CSNK1D: variants seen among roughly 807,000 people sequenced by gnomAD.
CSNK1D encodes the protein casein kinase I isoform delta.
In CSNK1D, 16 loss-of-function variants were observed where a neutral mutation model predicts 46.6. That is an observed-to-expected ratio of 0.34 (90% CI 0.23 to 0.52). The LOEUF is 0.52. Ranked by LOEUF, CSNK1D falls within the 20% of genes least tolerant of loss-of-function variation. The pLI, the probability that CSNK1D is intolerant of heterozygous loss-of-function variation, is 0.95. For missense variants in CSNK1D, 398 were observed against 578.4 expected (o/e 0.69, Z 3.20); for synonymous variants, 276 against 228.2 (o/e 1.21, Z -1.89).
intron 1 of CSNK1D, among the ~76,000 whole-genome samples, chr17:82,270,089 G>A (rs757219277): frequency 2.6e-5 from 4 of 152,244 alleles, no homozygotes; most frequent in African/African-American, 4.8e-5. Flanking sequence ...CTGCCCTCCT[G>A]AAGGGCCTTG....
At chr17:82,262,058 GC>G (rs2051354353) in intron 2 of CSNK1D, among the ~76,000 whole-genome samples, 1 of 152,222 alleles carries the variant, frequency 6.6e-6, no homozygotes, top group Non-Finnish European at 1.5e-5. Flanking sequence ...CCCAGGTTTT[GC>G]CCACCAGTCC....
At chr17:82,239,777 C>T (rs1407248382), downstream of CSNK1D, 2 of 395,780 alleles carry the variant, frequency 5.1e-6, no homozygotes, top group East Asian at 7.2e-5. Flanking sequence ...ACAGGACCCT[C>T]CTGCCTTCCC....
chr17:82,246,752 T>G, intron 8 of CSNK1D: 1 of 991,032 alleles, frequency 1.0e-6, no homozygotes, highest in Non-Finnish European at 1.2e-6. Context: ...TCCTGCTGCC[T>G]CCTCCCATCT....
intron 3 of CSNK1D, chr17:82,253,687 T>A (rs1475811176): frequency 2.9e-6 from 1 of 346,260 alleles, no homozygotes; most frequent in South Asian, 2.3e-5. Context: ...TCCAAGCCAG[T>A]GAGCTGAGCC....
Position 82,249,584 on chromosome 17 carries a change from C to T in CSNK1D, c.904G>A (p.Asp302Asn), listed in dbSNP as rs771783029. Residue 302 changes from aspartate to asparagine, a missense_variant, in exon 7 of 9, where the codon GAT (aspartate) becomes AAT (asparagine). Transcript: ENST00000314028. The surrounding 1 kb of genome is among the most constrained non-coding windows in gnomAD (Gnocchi z 6.7). ...MLKFGASRAA[D>N]DAERERRDRE... is the part of the protein sequence containing the mutation. ...TCCCTGCGCTCCCGCTCGGCGTCATCGGCGGCCCGGCTGGCACCCTGAGGA... is the reference window on the plus strand; with the variant it reads ...TCCCTGCGCTCCCGCTCGGCGTCATTGGCGGCCCGGCTGGCACCCTGAGGA... 1.3e-5 allele frequency: 20 copies of T among 1,558,716 alleles called. No individual in the cohort carries two copies. The highest frequency in any genetic ancestry group is 1.6e-5 in the Non-Finnish European group (19 of 1,156,308).
intron 2 of CSNK1D, among the ~76,000 whole-genome samples, chr17:82,258,683 C>T (rs987555524): frequency 8.5e-5 from 13 of 152,260 alleles, no homozygotes; most frequent in South Asian, 4.1e-4. Flanking sequence ...AACTTTTTCC[C>T]GTACCTCATA....
At chr17:82,257,743 C>G (rs990237563) in intron 2 of CSNK1D, among the ~76,000 whole-genome samples, 3 of 152,236 alleles carry the variant, frequency 2.0e-5, no homozygotes, top group African/African-American at 7.2e-5. Flanking sequence ...CAGAAGAGAG[C>G]TGAGGAGGAG....
At chr17:82,264,829 G>A (rs1033601938) in intron 2 of CSNK1D, among the ~76,000 whole-genome samples, 13 of 143,384 alleles carry the variant, frequency 9.1e-5, no homozygotes, top group Non-Finnish European at 1.5e-4. Context: ...ACGGAGTCTC[G>A]CTCTTTCATC....
At chr17:82,253,313 G>A in intron 3 of CSNK1D, 69 bp from the exon 4 acceptor site, 2 of 1,171,630 alleles carry the variant, frequency 1.7e-6, no homozygotes, top group Non-Finnish European at 2.6e-6. Flanking sequence ...TCAACTGTGG[G>A]ACACTACATC....
At chr17:82,247,885 G>A in intron 8 of CSNK1D, 4 of 985,492 alleles carry the variant, frequency 4.1e-6, no homozygotes, top group Non-Finnish European at 4.8e-6. Flanking sequence ...TAGTGAATTA[G>A]AAACGTGCAG....
Position 82,248,487 on chromosome 17 carries a change from G to A in CSNK1D, c.1197+388C>T, listed in dbSNP as rs1446310216. 1 of 1,091,118 alleles carries A rather than the reference G, an allele frequency of 9.2e-7. No homozygotes were observed. The highest frequency in any genetic ancestry group is 1.1e-6 in the Non-Finnish European group (1 of 891,574). 67.6% of individuals were successfully genotyped at this position (1,091,118 alleles called of 1,614,324 possible). ...TCCATCCCTGGCCAGTGGCAAGAATGAGGAAGAATGAGGAAGGCTCCCTCG... is the reference window on the plus strand; with the variant it reads ...TCCATCCCTGGCCAGTGGCAAGAATAAGGAAGAATGAGGAAGGCTCCCTCG... On this transcript the variant is annotated intron_variant, in intron 8 of 8. Transcript: ENST00000314028. The surrounding 1 kb of genome is among the most constrained non-coding windows in gnomAD (Gnocchi z 4.1).
At chr17:82,273,731 C>A, upstream of CSNK1D, 1 of 480,550 alleles carries the variant, frequency 2.1e-6, no homozygotes, top group East Asian at 3.5e-5. The surrounding 1 kb of genome is among the most constrained non-coding windows in gnomAD (Gnocchi z 5.1). Context: ...CCCGGCGGGG[C>A]GGGGCCGCGG....
At position 82,250,088 on chromosome 17, in the gene CSNK1D, G is replaced by A; in HGVS notation, c.886-486C>T. 1.6e-6 allele frequency: 2 copies of A among 1,290,102 alleles called. No homozygotes were observed. Among genetic ancestry groups the A allele is most frequent in the Non-Finnish European group, 2.0e-6 (2 of 989,476 alleles). The allele number at this position is 1,290,102 out of a possible 1,614,324, so 79.9% of individuals were successfully genotyped here. ...AGCCTCCAACAGCCTGTGCAGGTGTGGTGGCGTGGCCAGCAGCCGGCAGCC... is the reference window on the plus strand; with the variant it reads ...AGCCTCCAACAGCCTGTGCAGGTGTAGTGGCGTGGCCAGCAGCCGGCAGCC... On this transcript the variant is annotated intron_variant, in intron 6 of 8. Coordinates refer to ENST00000314028, the MANE Select transcript of CSNK1D (RefSeq NM_001893.6). This position sits in a 1 kb window ranked among gnomAD's most constrained non-coding sequence, Gnocchi z 4.6.
intron 8 of CSNK1D, chr17:82,246,640 G>A (rs1171709773): frequency 2.2e-5 from 22 of 1,004,694 alleles, no homozygotes; most frequent in African/African-American, 1.4e-4. Flanking sequence ...GGGCTGGGGC[G>A]GGGCCCTACA....
Position 82,273,487 on chromosome 17 carries a change from C to T in CSNK1D, c.-106G>A, listed in dbSNP as rs1196625592. ...CTACTGCGGGTCCGGCTCCCGGCTC[C>T]GCCCCCCTCACGGCCCCGCTTTCAC... is the stretch of plus-strand genomic sequence containing the variant. On this transcript the variant is annotated 5_prime_UTR_variant, in exon 1 of 9. Coordinates refer to ENST00000314028, the MANE Select transcript of CSNK1D (RefSeq NM_001893.6). The surrounding 1 kb of genome is among the most constrained non-coding windows in gnomAD (Gnocchi z 5.1). 53 of 1,393,956 alleles carry T rather than the reference C, an allele frequency of 3.8e-5. No individual in the cohort carries two copies. Among genetic ancestry groups the T allele is most frequent in the Non-Finnish European group, 4.5e-5 (46 of 1,012,620 alleles). 86.3% of individuals were successfully genotyped at this position (1,393,956 alleles called of 1,614,324 possible). A position where few individuals can be genotyped will look rare whatever the true frequency, so the allele number is the denominator to read the frequency against.
chr17:82,239,052 G>T, downstream of CSNK1D: 2 of 1,420,110 alleles, frequency 1.4e-6, no homozygotes, highest in South Asian at 3.0e-5. Context: ...TTACAAACTG[G>T]ACTGGCTCAG....
intron 2 of CSNK1D, among the ~76,000 whole-genome samples, chr17:82,258,665 A>G (rs1238626122): frequency 6.6e-6 from 1 of 152,110 alleles, no homozygotes; most frequent in Admixed American, 6.5e-5. Flanking sequence ...GCAACAGATC[A>G]CCTTTCAAAC....
Position 82,273,265 on chromosome 17 carries a change from C to T in CSNK1D, c.76+41G>A, listed in dbSNP as rs1373523153. On this transcript the variant is annotated intron_variant, in intron 1 of 8. Coordinates refer to ENST00000314028, the MANE Select transcript of CSNK1D (RefSeq NM_001893.6). The surrounding 1 kb of genome is among the most constrained non-coding windows in gnomAD (Gnocchi z 5.1). ...GCGCTTGGTCTTGGCAGCCGCAGGG[C>T]CCGGGTCTTCGGGCGGCGGGCGGGG... The T allele has an allele frequency of 6.3e-6, 10 of 1,579,844 alleles. No individual in the cohort carries two copies. The highest frequency in any genetic ancestry group is 8.6e-6 in the Non-Finnish European group (10 of 1,163,540).
In CSNK1D at chr17:82,252,885, G is replaced by C; in HGVS notation, c.565+131C>G. The C allele has an allele frequency of 6.8e-6, 6 of 877,238 alleles. No individual in the cohort carries two copies. Among genetic ancestry groups the C allele is most frequent in the South Asian group, 4.2e-5 (3 of 71,138 alleles). 54.3% of individuals were successfully genotyped at this position (877,238 alleles called of 1,614,324 possible). A position where few individuals can be genotyped will look rare whatever the true frequency, so the allele number is the denominator to read the frequency against. On this transcript the variant is annotated intron_variant, in intron 4 of 8. Coordinates refer to ENST00000314028, the MANE Select transcript of CSNK1D (RefSeq NM_001893.6). This position sits in a 1 kb window ranked among gnomAD's most constrained non-coding sequence, Gnocchi z 4.6. ...CCATACACCTGGCAGTCACGAGCCA[G>C]CCTGTCTGCCGCAAAGGTCTGATGA... is the stretch of plus-strand genomic sequence containing the variant.
Sources: allele counts gnomAD v4.1 joint callset (sites outside exome capture counted in the v4.1 genomes callset), GRCh38; gene constraint gnomAD v4.1.1; non-coding constraint Gnocchi (gnomAD v3.1); transcripts MANE v1.5; gene names NCBI Gene and HGNC (gene_info 2026-07-23, HGNC 2026-07-21).